Variants in PAG1 observed in about 807,000 individuals in gnomAD.
The protein encoded by PAG1 is phosphoprotein associated with glycosphingolipid-enriched microdomains 1.
Under a neutral mutation model 31.7 loss-of-function variants are expected in PAG1, and 23 were observed. The observed-to-expected ratio is 0.73, with a 90% CI of 0.52 to 1.03. The LOEUF (loss-of-function observed/expected upper bound fraction) is 1.03. Among genes scored for constraint, PAG1 ranks in the 50% least tolerant of loss-of-function variants. The pLI is 0.00. For missense variants in PAG1, 473 were observed against 540.7 expected (o/e 0.87, Z 1.24); for synonymous variants, 214 against 210.3 (o/e 1.02, Z -0.15).
Position 80,972,124 on chromosome 8 carries a change from C to T in PAG1, c.*4420G>A, listed in dbSNP as rs1157028510. The T allele has an allele frequency of 3.9e-5, 6 of 152,196 alleles. No individual in the cohort carries two copies. Among genetic ancestry groups the T allele is most frequent in the African/African-American group, 1.2e-4 (5 of 41,442 alleles). The allele number at this position is 152,196 out of a possible 1,614,324, so 9.4% of individuals were successfully genotyped here. A position where few individuals can be genotyped will look rare whatever the true frequency, so the allele number is the denominator to read the frequency against. ...TTAAAGACACATGTTCCTATTTTCACATCAGTCATTTATTAACACCAAACA... is the reference window on the plus strand; with the variant it reads ...TTAAAGACACATGTTCCTATTTTCATATCAGTCATTTATTAACACCAAACA... On this transcript the variant is annotated 3_prime_UTR_variant, in exon 9 of 9. Coordinates refer to ENST00000220597, the MANE Select transcript of PAG1 (RefSeq NM_018440.4).
intron 3 of PAG1, among the ~76,000 whole-genome samples, chr8:81,007,222 G>A (rs1478896600): frequency 1.3e-5 from 2 of 152,116 alleles, no homozygotes; most frequent in African/African-American, 4.8e-5. Context: ...GGAAAAAGGT[G>A]CCAACAACAT....
intron 5 of PAG1, among the ~76,000 whole-genome samples, chr8:80,989,607 G>A (rs1435607671): frequency 6.6e-6 from 1 of 152,110 alleles, no homozygotes; most frequent in Non-Finnish European, 1.5e-5. Flanking sequence ...ATTATATGGT[G>A]GATGAGGAAG....
chr8:80,995,639 G>A (rs7837432), intron 3 of PAG1, among the ~76,000 whole-genome samples: 4,596 of 152,312 alleles, frequency 0.03, 86 homozygotes, highest in African/African-American at 0.037. Flanking sequence ...GCAGGCATCT[G>A]TTTGTTCTTC....
chr8:81,091,166 C>G (rs1368715633), intron 1 of PAG1, among the ~76,000 whole-genome samples: 1 of 152,148 alleles, frequency 6.6e-6, no homozygotes, highest in Non-Finnish European at 1.5e-5. Flanking sequence ...TTTTATTGGC[C>G]TCCTCTATTG....
At chr8:81,060,566 G>T (rs1251577629) in intron 2 of PAG1, among the ~76,000 whole-genome samples, 1 of 152,146 alleles carries the variant, frequency 6.6e-6, no homozygotes, top group Non-Finnish European at 1.5e-5. Flanking sequence ...TTCTCTCAGG[G>T]ATTAGATTTT....
At chr8:81,091,064 T>C (rs1306495756) in intron 1 of PAG1, among the ~76,000 whole-genome samples, 2 of 152,158 alleles carry the variant, frequency 1.3e-5, no homozygotes, top group Non-Finnish European at 2.9e-5. Flanking sequence ...ACTAAGAGAA[T>C]GGCCGAAGGA....
At chr8:81,026,723 CA>C (rs1808286954) in intron 3 of PAG1, among the ~76,000 whole-genome samples, 1 of 152,106 alleles carries the variant, frequency 6.6e-6, no homozygotes, top group Admixed American at 6.5e-5. Context: ...GATGGGCCAG[CA>C]ATTACCCTGC....
intron 3 of PAG1, among the ~76,000 whole-genome samples, chr8:81,002,780 A>C (rs1239798414): frequency 6.6e-6 from 1 of 152,254 alleles, no homozygotes; most frequent in African/African-American, 2.4e-5. Flanking sequence ...AAATAGAACC[A>C]AAATCCTCAA....
chr8:80,979,986 C>A (rs996611050), intron 8 of PAG1, among the ~76,000 whole-genome samples: 1 of 152,172 alleles, frequency 6.6e-6, no homozygotes, highest in Non-Finnish European at 1.5e-5. Context: ...TTAATCTGCT[C>A]TCAGCATCCA....
At chr8:81,003,638 G>A (rs926628049) in intron 3 of PAG1, among the ~76,000 whole-genome samples, 12 of 152,042 alleles carry the variant, frequency 7.9e-5, no homozygotes, top group African/African-American at 2.7e-4. Flanking sequence ...AGTCCAAGCC[G>A]CCCCATGCCT....
rs74618132 is a variant in PAG1, at chr8:81,045,507, G to T, written c.-174-15418C>A. ...AGAGACAGAAAGTAGATCAGTAGTTGCCTAGAGCTGGAAGGAGGGTGAGAT... is the reference window on the plus strand; with the variant it reads ...AGAGACAGAAAGTAGATCAGTAGTTTCCTAGAGCTGGAAGGAGGGTGAGAT... On this transcript the variant is annotated intron_variant, in intron 2 of 8. Transcript: ENST00000220597. 1.8e-3 allele frequency among the ~76,000 whole-genome samples: 276 copies of T among 152,266 alleles called. 2 individuals carry two copies. The highest frequency in any genetic ancestry group is 6.5e-3 in the African/African-American group (268 of 41,544).
chr8:81,022,448 A>T (rs1044206607), intron 3 of PAG1, among the ~76,000 whole-genome samples: 3 of 152,202 alleles, frequency 2.0e-5, no homozygotes, highest in Non-Finnish European at 4.4e-5. Context: ...ATATTGCTGG[A>T]AAATAACGAT....
intron 1 of PAG1, among the ~76,000 whole-genome samples, chr8:81,071,166 A>C (rs1328833208): frequency 1.3e-5 from 2 of 152,230 alleles, no homozygotes; most frequent in African/African-American, 4.8e-5. Flanking sequence ...AGCTGACAAT[A>C]AGCAAGGTGG....
chr8:81,077,127 A>AC (rs937199378), intron 1 of PAG1, among the ~76,000 whole-genome samples: 2 of 152,054 alleles, frequency 1.3e-5, no homozygotes, highest in African/African-American at 2.4e-5. Context: ...CAGCATTGGC[A>AC]CCCCCCAGGA....
intron 1 of PAG1, among the ~76,000 whole-genome samples, chr8:81,091,455 A>G (rs947634375): frequency 2.0e-4 from 31 of 152,282 alleles, no homozygotes; most frequent in Admixed American, 1.8e-3. Flanking sequence ...AACATCATAC[A>G]ATGTACTTAC....
intron 3 of PAG1, among the ~76,000 whole-genome samples, chr8:81,007,482 AAAAT>A (rs1365489571): frequency 1.3e-5 from 2 of 149,422 alleles, no homozygotes; most frequent in Admixed American, 6.6e-5. Context: ...AAAAAAAAAA[AAAAT>A]AGTAGACGGG....
At chr8:80,991,313 C>T (rs1038272839) in intron 5 of PAG1, among the ~76,000 whole-genome samples, 166 bp downstream of exon 5, 14 of 152,156 alleles carry the variant, frequency 9.2e-5, no homozygotes, top group East Asian at 1.9e-4. Flanking sequence ...AGGATCATTC[C>T]GGCAGCAGCA....
At chr8:81,052,379 C>G (rs1459252795) in intron 2 of PAG1, among the ~76,000 whole-genome samples, 1 of 152,034 alleles carries the variant, frequency 6.6e-6, no homozygotes, top group Non-Finnish European at 1.5e-5. Context: ...CAGTAGCCCC[C>G]ACCACTGCAT....
chr8:81,043,877 C>T (rs1411923303), intron 2 of PAG1, among the ~76,000 whole-genome samples: 1 of 152,172 alleles, frequency 6.6e-6, no homozygotes, highest in Non-Finnish European at 1.5e-5. Flanking sequence ...TCTTTTAGTA[C>T]CTTCTGGGAA....
Sources: gnomAD v4.1 joint callset for allele counts (sites outside exome capture counted in the v4.1 genomes callset) on GRCh38, gnomAD v4.1.1 for gene constraint, MANE v1.5 for transcripts, NCBI Gene and HGNC (gene_info 2026-07-23, HGNC 2026-07-21) for gene names.